The following GC variants were observed in gnomAD, a reference collection of about 807,000 sequenced individuals.
GC encodes GC vitamin D binding protein, also known as vitamin D-binding protein.
In GC, 43 loss-of-function variants were observed where a neutral mutation model predicts 56.7. The observed-to-expected ratio is 0.76, with a 90% CI of 0.59 to 0.98. The LOEUF (loss-of-function observed/expected upper bound fraction) is 0.98. Ranked by LOEUF, GC falls within the 50% of genes least tolerant of loss-of-function variation. The pLI is 0.00. For synonymous variants in GC, 216 were observed against 202.7 expected (o/e 1.07, Z -0.56); for missense variants, 529 against 545.9 (o/e 0.97, Z 0.31).
At chr4:71,762,354 C>T (rs923355506) in intron 6 of GC, among the ~76,000 whole-genome samples, 3 of 152,180 alleles carry the variant, frequency 2.0e-5, no homozygotes, top group African/African-American at 7.2e-5. Flanking sequence ...TGCCTGTACC[C>T]CCATTGTATC....
chr4:71,769,505 G>T (rs937107790), intron 1 of GC, 105 bp from the exon 2 acceptor site: 2 of 751,596 alleles, frequency 2.7e-6, no homozygotes, highest in Admixed American at 2.3e-5. Flanking sequence ...AATGAAAGTC[G>T]TATTTTCTCA....
chr4:71,746,008 C>T, intron 12 of GC, 143 bp downstream of exon 12: 1 of 526,100 alleles, frequency 1.9e-6, no homozygotes. Context: ...TTTAACTTTT[C>T]TCGGTGCTTA....
intron 1 of GC, among the ~76,000 whole-genome samples, chr4:71,774,546 G>C (rs542045327): frequency 2.7e-4 from 41 of 151,998 alleles, no homozygotes; most frequent in Non-Finnish European, 4.7e-4. Flanking sequence ...GATGGGTAAA[G>C]GTGATATCCC....
chr4:71,785,846 A>C (rs1299307005), upstream of GC: 1 of 151,806 alleles, frequency 6.6e-6, no homozygotes, highest in African/African-American at 2.4e-5. Context: ...CCCGGAACTC[A>C]AAAGAGGTAG....
chr4:71,798,983 G>A (rs1242942220), intron 1 of GC, among the ~76,000 whole-genome samples: 1 of 152,102 alleles, frequency 6.6e-6, no homozygotes, highest in African/African-American at 2.4e-5. Context: ...ATGGGTTTTG[G>A]TGTATTTGCA....
intron 12 of GC, among the ~76,000 whole-genome samples, chr4:71,744,382 C>A (rs374789270): frequency 6.0e-4 from 88 of 147,864 alleles, no homozygotes; most frequent in African/African-American, 2.2e-3. Flanking sequence ...TGGCGTGAAC[C>A]CAGGAGGCGG....
At chr4:71,749,892 T>G (rs745986370) in intron 11 of GC, among the ~76,000 whole-genome samples, 11 of 152,156 alleles carry the variant, frequency 7.2e-5, no homozygotes, top group Non-Finnish European at 1.3e-4. Context: ...CAAACAAGAT[T>G]AGCAAATAGG....
intron 11 of GC, among the ~76,000 whole-genome samples, chr4:71,746,980 A>C (rs1467902482): frequency 2.0e-5 from 3 of 152,200 alleles, no homozygotes; most frequent in African/African-American, 7.2e-5. Flanking sequence ...CTGAAACTAA[A>C]TACCAAGAAT....
intron 6 of GC, among the ~76,000 whole-genome samples, chr4:71,761,613 C>G (rs1303841476): frequency 6.6e-6 from 1 of 152,178 alleles, no homozygotes. Flanking sequence ...CATCACAGGC[C>G]TGGAGACCTA....
chr4:71,796,200 T>C (rs556449150), intron 1 of GC, among the ~76,000 whole-genome samples: 6 of 152,182 alleles, frequency 3.9e-5, no homozygotes, highest in Non-Finnish European at 2.9e-5. Context: ...CGAATTTGAA[T>C]GTTGGCCTGC....
chr4:71,765,104 A>G (rs1240762240), intron 4 of GC, among the ~76,000 whole-genome samples: 2 of 152,208 alleles, frequency 1.3e-5, no homozygotes, highest in Non-Finnish European at 2.9e-5. Flanking sequence ...ATCATATGAC[A>G]TACGCAATGA....
At chr4:71,778,692 C>A (rs1219287331) in intron 1 of GC, among the ~76,000 whole-genome samples, 2 of 151,522 alleles carry the variant, frequency 1.3e-5, no homozygotes, top group African/African-American at 4.8e-5. Flanking sequence ...CCATGAGGGC[C>A]AAAGAAAACA....
chr4:71,786,937 A>G (rs898645927), upstream of GC, among the ~76,000 whole-genome samples: 1 of 151,862 alleles, frequency 6.6e-6, no homozygotes, highest in African/African-American at 2.4e-5. Flanking sequence ...GACAAAATTG[A>G]TATTAGTGGA....
intron 12 of GC, among the ~76,000 whole-genome samples, chr4:71,743,361 C>G (rs1028693544): frequency 1.1e-4 from 17 of 152,146 alleles, no homozygotes; most frequent in African/African-American, 4.1e-4. Flanking sequence ...TGCAGATCAC[C>G]TGTTACAACA....
intron 1 of GC, among the ~76,000 whole-genome samples, chr4:71,783,337 A>T (rs1315403027): frequency 1.3e-5 from 2 of 151,814 alleles, no homozygotes; most frequent in African/African-American, 4.8e-5. Context: ...ATGTAAAAAA[A>T]TTTTTAAACA....
intron 4 of GC, 55 bp from the exon 5 acceptor site, chr4:71,763,991 T>G: frequency 1.4e-6 from 2 of 1,412,364 alleles, no homozygotes; most frequent in Non-Finnish European, 2.0e-6. Context: ...CAAAATCTAC[T>G]TTTTTATTTG....
At chr4:71,799,984 C>G (rs1201815118) in intron 1 of GC, among the ~76,000 whole-genome samples, 1 of 151,962 alleles carries the variant, frequency 6.6e-6, no homozygotes, top group Admixed American at 6.6e-5. Flanking sequence ...GTGTTTGAAG[C>G]AATTTATGTC....
chr4:71,758,693 C>T (rs1229795778), intron 6 of GC, among the ~76,000 whole-genome samples: 2 of 151,834 alleles, frequency 1.3e-5, no homozygotes, highest in Non-Finnish European at 2.9e-5. Context: ...ACTTAATATA[C>T]CAGGAATAAC....
intron 11 of GC, among the ~76,000 whole-genome samples, chr4:71,746,531 G>A (rs543158698): frequency 2.6e-4 from 39 of 152,004 alleles, no homozygotes; most frequent in African/African-American, 6.5e-4. Context: ...AATTCTCAGC[G>A]GAGCAGATGT....
Sources: gnomAD v4.1 joint callset for allele counts (sites outside exome capture counted in the v4.1 genomes callset) on GRCh38, gnomAD v4.1.1 for gene constraint, MANE v1.5 for transcripts, NCBI Gene and HGNC (gene_info 2026-07-23, HGNC 2026-07-21) for gene names.